CCDC112: variants seen among roughly 807,000 people sequenced by gnomAD.
CCDC112 encodes the protein coiled-coil domain-containing protein 112.
Under a neutral mutation model 66.3 loss-of-function variants are expected in CCDC112, and 40 were observed. The ratio of observed to expected loss-of-function variants is 0.60; its 90% confidence interval spans 0.47 to 0.79. The LOEUF is 0.79. CCDC112 is among the 30% of genes least tolerant of loss of function. The pLI is 0.00. For synonymous variants in CCDC112, 214 were observed against 197.2 expected (o/e 1.09, Z -0.71); for missense variants, 659 against 603.8 (o/e 1.09, Z -0.96).
Position 115,275,218 on chromosome 5 carries a change from CT to C in CCDC112, c.915del (p.Glu306SerfsTer20). On this transcript the variant is annotated frameshift_variant, in exon 6 of 10. Transcript: ENST00000379611. LOFTEE classifies it high-confidence loss of function. ...QKFLALEERKKESIQIWKTKK... is the reference protein window; with the variant it reads ...QKFLALEERKXESIQIWKTKK... ...ATAATAGCTATTATAATTATTACCT[CT>C]TTTTTTCTTTCTTCTAGAGCCAGAA... is the stretch of plus-strand genomic sequence containing the variant. 1.3e-6 allele frequency: 2 copies of C among 1,599,828 alleles called. No homozygotes were observed. Among genetic ancestry groups the C allele is most frequent in the Non-Finnish European group, 1.7e-6 (2 of 1,173,322 alleles).
intron 1 of CCDC112, among the ~76,000 whole-genome samples, chr5:115,290,799 G>A (rs1305819260): frequency 1.3e-5 from 2 of 152,036 alleles, no homozygotes; most frequent in African/African-American, 4.8e-5. Context: ...CTAGTGTATA[G>A]AAATACAACT....
intron 2 of CCDC112, among the ~76,000 whole-genome samples, chr5:115,281,253 A>T (rs771442594): frequency 4.6e-5 from 7 of 152,178 alleles, no homozygotes; most frequent in Non-Finnish European, 1.0e-4. Context: ...CAAACTCCTG[A>T]CCTCAAGTAA....
intron 7 of CCDC112, 60 bp downstream of exon 7, chr5:115,271,153 T>A: frequency 6.8e-7 from 1 of 1,465,690 alleles, no homozygotes; most frequent in Non-Finnish European, 9.1e-7. Flanking sequence ...TTAACTGAAT[T>A]TGGAAGTAAT....
intron 4 of CCDC112, 91 bp downstream of exon 4, chr5:115,276,874 G>C: frequency 1.3e-6 from 1 of 768,224 alleles, no homozygotes; most frequent in South Asian, 1.7e-5. Flanking sequence ...ATAAACTTAA[G>C]TCCTAACCAA....
chr5:115,275,326 T>C lies in CCDC112; in HGVS notation c.808A>G (p.Thr270Ala), dbSNP rs780659418. ...KVRNKHKGKP[T>A]FMEEVLEHLP... is the part of the protein sequence containing the mutation. The stretch of plus-strand genomic sequence containing the variant: ...TGTTCTAGAACTTCTTCCATAAATG[T>C]TGGCTTCCCTTTATGTTTGTTTCTC... Residue 270 changes from threonine (T) to alanine (A), a missense_variant, in exon 6 of 10, where the codon ACA becomes GCA. Coordinates refer to ENST00000379611, the MANE Select transcript of CCDC112 (RefSeq NM_001040440.3). The C allele has an allele frequency of 6.2e-7, 1 of 1,614,106 alleles. No individual in the cohort carries two copies. The highest frequency in any genetic ancestry group is 8.5e-7 in the Non-Finnish European group (1 of 1,179,972).
Position 115,267,674 on chromosome 5 carries a change from C to T in CCDC112, c.*202G>A. On this transcript the variant is annotated 3_prime_UTR_variant, in exon 10 of 10. Transcript: ENST00000379611. ...AACTTTTACATCAATAATAGGCCAA[C>T]ACATATATTAAATACCTTCTTGGTA... 1 of 567,598 alleles carries T rather than the reference C, an allele frequency of 1.8e-6. No individual in the cohort carries two copies. Among genetic ancestry groups the T allele is most frequent in the Non-Finnish European group, 3.1e-6 (1 of 318,846 alleles). 35.2% of individuals were successfully genotyped at this position (567,598 alleles called of 1,614,324 possible). A position where few individuals can be genotyped will look rare whatever the true frequency, so the allele number is the denominator to read the frequency against.
rs768792285 is a variant in CCDC112, at chr5:115,271,373, C to T, written c.1172G>A (p.Arg391His). The T allele has an allele frequency of 1.9e-5, 30 of 1,611,188 alleles. No homozygotes were observed. The highest frequency in any genetic ancestry group is 4.5e-5 in the East Asian group (2 of 44,800). ...TAATTTTAACTTAAACTGGCGCTGGCGTTCTTTCTGATGTTTTTTCTCTTT... is the reference window on the plus strand; with the variant it reads ...TAATTTTAACTTAAACTGGCGCTGGTGTTCTTTCTGATGTTTTTTCTCTTT... The part of the protein sequence containing the change: ...EEKEKKHQKE[R>H]QRQFKLKLLL... The change falls in exon 7 of 10, where the codon CGC (arginine) becomes CAC (histidine). Residue 391 changes from arginine (R) to histidine (H), a missense_variant. Coordinates refer to ENST00000379611, the MANE Select transcript of CCDC112 (RefSeq NM_001040440.3).
In CCDC112 at chr5:115,268,960, T is replaced by C. The variant is rs1350376201; in HGVS notation, c.1469A>G (p.Lys490Arg). The C allele has an allele frequency of 1.2e-6, 2 of 1,605,342 alleles. No individual in the cohort carries two copies. The highest frequency in any genetic ancestry group is 1.3e-5 in the African/African-American group (1 of 74,416). Residue 490 changes from lysine (K) to arginine (R), a missense_variant, in exon 9 of 10, where the codon AAA becomes AGA. Coordinates refer to ENST00000379611, the MANE Select transcript of CCDC112 (RefSeq NM_001040440.3). The part of the protein sequence containing the change: ...NVSRDPSRLY[K>R]PTKGWEERTK... Reference sequence around the variant, plus strand: ...TCGTTCTTCCCAACCTTTGGTGGGTTTGTAAAGCCTAGAGGGATCTCTACT... The same window carrying C: ...TCGTTCTTCCCAACCTTTGGTGGGTCTGTAAAGCCTAGAGGGATCTCTACT...
In CCDC112 at chr5:115,271,212, C is replaced by G. The variant is rs978107681; in HGVS notation, c.1332+1G>C. 1.3e-6 allele frequency: 2 copies of G among 1,575,450 alleles called. No homozygotes were observed. The highest frequency in any genetic ancestry group is 8.6e-7 in the Non-Finnish European group (1 of 1,169,218). On this transcript the variant is annotated splice_donor_variant, in intron 7 of 9. Coordinates refer to ENST00000379611, the MANE Select transcript of CCDC112 (RefSeq NM_001040440.3). LOFTEE classifies it high-confidence loss of function. The stretch of plus-strand genomic sequence containing the variant: ...ATTATTTAGGAAATAGATTTACTCA[C>G]TCTTTCTTGAAATCTGGAAATTTCA...
intron 7 of CCDC112, among the ~76,000 whole-genome samples, chr5:115,270,601 A>C (rs941644230): frequency 6.6e-6 from 1 of 152,200 alleles, no homozygotes; most frequent in Non-Finnish European, 1.5e-5. Context: ...CCACTAATGC[A>C]AACACACCAC....
intron 1 of CCDC112, among the ~76,000 whole-genome samples, chr5:115,285,452 A>T (rs1749636215): frequency 6.6e-6 from 1 of 152,182 alleles, no homozygotes; most frequent in African/African-American, 2.4e-5. Flanking sequence ...TTTAAGGAAG[A>T]TTGAAGCCAG....
chr5:115,295,827 G>T, intron 1 of CCDC112: 1 of 894,112 alleles, frequency 1.1e-6, no homozygotes, highest in Non-Finnish European at 1.3e-6. Context: ...CAGAAACAGG[G>T]ACTGGGTGTG....
chr5:115,273,872 A>G (rs1749098464), intron 6 of CCDC112, among the ~76,000 whole-genome samples: 1 of 152,054 alleles, frequency 6.6e-6, no homozygotes, highest in Admixed American at 6.6e-5. Flanking sequence ...AGCCCAAATG[A>G]CTTATGTTTC....
chr5:115,269,347 C>T (rs994406191), intron 8 of CCDC112, among the ~76,000 whole-genome samples: 2 of 152,078 alleles, frequency 1.3e-5, no homozygotes, highest in African/African-American at 2.4e-5. Context: ...CCGTTTTATC[C>T]ATGAGGGTCA....
chr5:115,275,140 T>A, intron 6 of CCDC112, 76 bp downstream of exon 6: 1 of 1,099,852 alleles, frequency 9.1e-7, no homozygotes, highest in East Asian at 2.5e-5. Context: ...GTAAAGTTAA[T>A]GAGACATGTT....
intron 2 of CCDC112, chr5:115,280,442 T>C (rs550979464): frequency 3.9e-5 from 6 of 152,358 alleles, no homozygotes; most frequent in Admixed American, 2.6e-4. Context: ...CCCTTGAATT[T>C]AGTCTAACAG....
chr5:115,279,671 A>G lies in CCDC112; in HGVS notation c.337T>C (p.Leu113=), dbSNP rs777434844. 55 of 1,611,848 alleles carry G rather than the reference A, an allele frequency of 3.4e-5. No homozygotes were observed. The highest frequency in any genetic ancestry group is 4.1e-5 in the Non-Finnish European group (48 of 1,179,282). Residue 113 remains leucine (L), a synonymous_variant, in exon 3 of 10, where the codon TTG becomes CTG. Transcript: ENST00000379611. ...HSMLEELENK[L]IHSRKTERAK... ...CTTTCTGTTTTCCTGCTGTGAATCA[A>G]TTTATTTTCCAATTCTTCTAGCATA...
chr5:115,289,948 G>T (rs1483002754), intron 1 of CCDC112, among the ~76,000 whole-genome samples: 1 of 152,204 alleles, frequency 6.6e-6, no homozygotes, highest in Non-Finnish European at 1.5e-5. Context: ...CTCCCAAAGT[G>T]CTGGGATTAC....
At chr5:115,293,866 G>C (rs536949146) in intron 1 of CCDC112, among the ~76,000 whole-genome samples, 1 of 152,108 alleles carries the variant, frequency 6.6e-6, no homozygotes, top group Admixed American at 6.5e-5. Flanking sequence ...CAAAACAGAA[G>C]ACAGAGCCTT....
Sources: allele counts gnomAD v4.1 joint callset (sites outside exome capture counted in the v4.1 genomes callset), GRCh38; gene constraint gnomAD v4.1.1; transcripts MANE v1.5; gene names NCBI Gene and HGNC (gene_info 2026-07-23, HGNC 2026-07-21).